The following CSMD1 variants were observed in gnomAD, a reference collection of about 807,000 sequenced individuals.
The protein encoded by CSMD1 is CUB and Sushi multiple domains 1, also known as CUB and sushi domain-containing protein 1.
A neutral mutation model predicts 417.5 loss-of-function variants in CSMD1; 213 were observed. The observed-to-expected ratio is 0.51, with a 90% CI of 0.46 to 0.57. The LOEUF is 0.57. Among genes scored for constraint, CSMD1 ranks in the 20% least tolerant of loss-of-function variants. The pLI is 0.00. For missense variants in CSMD1, 6,923 were observed against 4,529.7 expected (o/e 1.53, Z -15.17); for synonymous variants, 2,862 against 1,736.8 (o/e 1.65, Z -16.11).
intron 3 of CSMD1, among the ~76,000 whole-genome samples, chr8:4,203,694 A>C (rs528927728): frequency 1.3e-5 from 2 of 152,266 alleles, no homozygotes; most frequent in East Asian, 3.9e-4. Flanking sequence ...GGGATCACAC[A>C]CACACAAACA....
At chr8:4,445,979 A>G (rs1390367218) in intron 2 of CSMD1, among the ~76,000 whole-genome samples, 1 of 152,132 alleles carries the variant, frequency 6.6e-6, no homozygotes, top group Non-Finnish European at 1.5e-5. Flanking sequence ...GATAGCAACA[A>G]TGTCAGTGCC....
chr8:4,369,566 G>A (rs1207978997), intron 3 of CSMD1, among the ~76,000 whole-genome samples: 1 of 152,134 alleles, frequency 6.6e-6, no homozygotes, highest in African/African-American at 2.4e-5. Context: ...ATTATTGAGT[G>A]GTTGTCTAAG....
At chr8:4,506,852 T>C (rs1368373949) in intron 2 of CSMD1, among the ~76,000 whole-genome samples, 1 of 152,242 alleles carries the variant, frequency 6.6e-6, no homozygotes, top group Non-Finnish European at 1.5e-5. Flanking sequence ...TGTCTTATAT[T>C]TGTACGATTG....
Position 3,397,551 on chromosome 8 carries a change from G to C in CSMD1, c.2406-1170C>G, listed in dbSNP as rs1360352296. The stretch of plus-strand genomic sequence containing the variant: ...ACATCTGGACCAGAATAAGGCCACA[G>C]GCTGCCACATTTGGGATTGCATAGT... On this transcript the variant is annotated intron_variant, in intron 16 of 69. Transcript: ENST00000635120. 2.6e-5 allele frequency among the ~76,000 whole-genome samples: 4 copies of C among 152,180 alleles called. No individual in the cohort carries two copies. In the South Asian group the frequency reaches 8.3e-4, roughly 31 times the overall value.
rs1384871079 is a variant in CSMD1 at position 4,619,632 on chromosome 8, C to G, written c.302+17710G>C. On this transcript the variant is annotated intron_variant, in intron 2 of 69. Coordinates refer to ENST00000635120, the MANE Select transcript of CSMD1 (RefSeq NM_033225.6). ...TCTATCCGTCTGTGCACTCTGTACTCTAGCCACATGGGACGTCATATTTTT... is the reference window on the plus strand; with the variant it reads ...TCTATCCGTCTGTGCACTCTGTACTGTAGCCACATGGGACGTCATATTTTT... Among the ~76,000 whole-genome samples, 6 of 152,142 alleles carry G rather than the reference C, an allele frequency of 3.9e-5. No individual in the cohort carries two copies. In the East Asian group the frequency reaches 5.8e-4, roughly 15 times the overall value.
intron 3 of CSMD1, among the ~76,000 whole-genome samples, chr8:4,309,405 G>A (rs576090301): frequency 1.9e-3 from 292 of 152,020 alleles, no homozygotes; most frequent in Admixed American, 4.7e-3. Flanking sequence ...AAAAGCTTTG[G>A]AAATTTGAAA....
intron 37 of CSMD1, among the ~76,000 whole-genome samples, chr8:3,169,395 C>T (rs187992382): frequency 6.6e-6 from 1 of 151,834 alleles, no homozygotes; most frequent in Non-Finnish European, 1.5e-5. Context: ...CATTCTGCTG[C>T]TAAGTGAAAT....
At chr8:3,425,464 T>C (rs776480214) in intron 12 of CSMD1, among the ~76,000 whole-genome samples, 18 of 151,696 alleles carry the variant, frequency 1.2e-4, no homozygotes, top group Admixed American at 1.3e-4. Flanking sequence ...GGCACCTGCC[T>C]GTAATCTCAG....
intron 5 of CSMD1, among the ~76,000 whole-genome samples, chr8:3,940,683 A>G (rs1231221691): frequency 1.3e-5 from 2 of 151,960 alleles, no homozygotes; most frequent in Non-Finnish European, 2.9e-5. Flanking sequence ...TTTCTATAAC[A>G]TACCTACATT....
intron 12 of CSMD1, among the ~76,000 whole-genome samples, chr8:3,423,281 G>A (rs1813612402): frequency 6.6e-6 from 1 of 152,118 alleles, no homozygotes; most frequent in African/African-American, 2.4e-5. Flanking sequence ...ATCATGGTAT[G>A]GAGGCTTCTC....
intron 1 of CSMD1, among the ~76,000 whole-genome samples, chr8:4,808,893 T>C (rs1382056856): frequency 6.6e-6 from 1 of 152,236 alleles, no homozygotes; most frequent in Non-Finnish European, 1.5e-5. Flanking sequence ...TCTTTTTCTA[T>C]GTTTACAAAA....
At chr8:4,800,165 G>A (rs973459727) in intron 1 of CSMD1, among the ~76,000 whole-genome samples, 3 of 152,076 alleles carry the variant, frequency 2.0e-5, no homozygotes, top group Non-Finnish European at 2.9e-5. Context: ...TTGGCCGGCC[G>A]TGACGGCTCA....
At chr8:3,192,675 T>C in intron 33 of CSMD1, among the ~76,000 whole-genome samples, 1 of 152,320 alleles carries the variant, frequency 6.6e-6, no homozygotes, top group Non-Finnish European at 1.5e-5. Context: ...GAAATACAAA[T>C]ACAATATTTT....
intron 2 of CSMD1, among the ~76,000 whole-genome samples, chr8:4,470,019 T>C (rs1362908463): frequency 6.6e-6 from 1 of 151,830 alleles, no homozygotes; most frequent in African/African-American, 2.4e-5. Context: ...AGGCGCCCGC[T>C]AACATGCCCG....
rs1375086381 is a variant in CSMD1, at chr8:3,441,064, G to C, written c.1561+27648C>G. 3.3e-5 allele frequency among the ~76,000 whole-genome samples: 5 copies of C among 152,284 alleles called. No homozygotes were observed. In the Middle Eastern group the frequency reaches 0.01, roughly 311 times the overall value. On this transcript the variant is annotated intron_variant, in intron 12 of 69. Transcript: ENST00000635120. Reference sequence around the variant, plus strand: ...CGAATGCCTTTGTATGAAACACATAGAGGAGAAAACAGACACCAAGAGAAA... The same window carrying C: ...CGAATGCCTTTGTATGAAACACATACAGGAGAAAACAGACACCAAGAGAAA...
Position 3,633,712 on chromosome 8 carries a change from TA to T in CSMD1, c.1010-16916del, listed in dbSNP as rs540467562. On this transcript the variant is annotated intron_variant, in intron 7 of 69. Coordinates refer to ENST00000635120, the MANE Select transcript of CSMD1 (RefSeq NM_033225.6). Reference sequence around the variant, plus strand: ...TGAAAACATTCAATGATCCTTCAATTAAAAATGGAAATGTCATGTAAACACT... The same window carrying T: ...TGAAAACATTCAATGATCCTTCAATTAAAATGGAAATGTCATGTAAACACT... 2.2e-3 allele frequency among the ~76,000 whole-genome samples: 335 copies of T among 152,292 alleles called. 2 individuals carry two copies. Among genetic ancestry groups the T allele is most frequent in the African/African-American group, 7.8e-3 (323 of 41,562 alleles).
intron 5 of CSMD1, among the ~76,000 whole-genome samples, chr8:3,926,901 A>AC (rs1809773233): frequency 6.6e-6 from 1 of 151,566 alleles, no homozygotes; most frequent in Non-Finnish European, 1.5e-5. Flanking sequence ...TTTTTAGTAG[A>AC]GAAAGGGTTT....
rs373408073 is a variant in CSMD1, at chr8:3,926,339, TTTATC to T, written c.818+71559_818+71563del. ...TTTCAATCTATTACACACTATTTAT[TTTATC>T]TTATCTTATTTTATGTTTTTTCACC... is the stretch of plus-strand genomic sequence containing the variant. On this transcript the variant is annotated intron_variant, in intron 5 of 69. Transcript: ENST00000635120. Among the ~76,000 whole-genome samples, 214 of 152,290 alleles carry T rather than the reference TTTATC, an allele frequency of 1.4e-3. 1 individual carries two copies. The highest frequency in any genetic ancestry group is 0.011 in the East Asian group (59 of 5,190).
At chr8:4,450,348 C>G (rs995625571) in intron 2 of CSMD1, among the ~76,000 whole-genome samples, 1 of 152,048 alleles carries the variant, frequency 6.6e-6, no homozygotes, top group African/African-American at 2.4e-5. Flanking sequence ...TATTTAGTAG[C>G]CGGGTGTGGT....
Sources: gnomAD v4.1 joint callset for allele counts (sites outside exome capture counted in the v4.1 genomes callset) on GRCh38, gnomAD v4.1.1 for gene constraint, MANE v1.5 for transcripts, NCBI Gene and HGNC (gene_info 2026-07-23, HGNC 2026-07-21) for gene names.